The following SDCBP variants were observed in gnomAD, a reference collection of about 807,000 sequenced individuals.
SDCBP encodes the protein syndecan binding protein, also known as syntenin-1.
In SDCBP, 22 loss-of-function variants were observed where a neutral mutation model predicts 30.5. The ratio of observed to expected loss-of-function variants is 0.72; its 90% CI spans 0.52 to 1.03. The LOEUF is 1.03. Among genes scored for constraint, SDCBP ranks in the 50% least tolerant of loss-of-function variants. SDCBP has a pLI of 0.00. For missense variants in SDCBP, 304 were observed against 369.9 expected (o/e 0.82, Z 1.46); for synonymous variants, 103 against 118.7 (o/e 0.87, Z 0.86).
intron 1 of SDCBP, among the ~76,000 whole-genome samples, chr8:58,556,437 CG>C (rs1347376464): frequency 1.3e-5 from 2 of 152,076 alleles, no homozygotes; most frequent in African/African-American, 2.4e-5. Flanking sequence ...GTCCATGGCC[CG>C]GGGGTTGGGA....
intron 1 of SDCBP, among the ~76,000 whole-genome samples, chr8:58,564,233 AT>A (rs1804587229): frequency 6.6e-6 from 1 of 152,236 alleles, no homozygotes; most frequent in Admixed American, 6.5e-5. Context: ...TGAATCAAGA[AT>A]CTTACGTTAA....
chr8:58,580,486 G>A (rs1040644836), intron 7 of SDCBP, 31 bp from the exon 8 acceptor site: 6 of 1,077,136 alleles, frequency 5.6e-6, no homozygotes, highest in Non-Finnish European at 2.9e-6. Context: ...AAGCCTCTGT[G>A]GAATTAATTT....
chr8:58,565,184 T>C (rs1367611844), intron 2 of SDCBP, 100 bp downstream of exon 2: 1 of 536,150 alleles, frequency 1.9e-6, no homozygotes, highest in Non-Finnish European at 3.3e-6. Flanking sequence ...ATATATTTGT[T>C]CATTTTTACA....
chr8:58,554,477 G>C (rs1035425588), intron 1 of SDCBP, among the ~76,000 whole-genome samples: 3 of 152,258 alleles, frequency 2.0e-5, no homozygotes, highest in Non-Finnish European at 4.4e-5. Flanking sequence ...CTAGTGGTTT[G>C]TGGCACAGAA....
intron 1 of SDCBP, among the ~76,000 whole-genome samples, chr8:58,556,211 C>T (rs113507484): frequency 3.9e-5 from 6 of 152,276 alleles, no homozygotes; most frequent in African/African-American, 1.4e-4. Flanking sequence ...TTTCCACGGA[C>T]GGGATAGGTG....
intron 7 of SDCBP, 30 bp from the exon 8 acceptor site, chr8:58,580,487 G>T: frequency 9.1e-7 from 1 of 1,093,444 alleles, no homozygotes; most frequent in South Asian, 1.3e-5. Flanking sequence ...AGCCTCTGTG[G>T]AATTAATTTT....
intron 2 of SDCBP, among the ~76,000 whole-genome samples, chr8:58,569,965 A>G (rs1433339971): frequency 1.3e-5 from 2 of 152,226 alleles, no homozygotes; most frequent in Non-Finnish European, 2.9e-5. Flanking sequence ...ATCTCCAAGC[A>G]TCTTTGGGAA....
At position 58,581,807 on chromosome 8, in the gene SDCBP, T is replaced by C. The variant is rs1585717282; in HGVS notation, c.*67T>C. The C allele has an allele frequency of 5.2e-6, 7 of 1,352,542 alleles. No individual in the cohort carries two copies. The highest frequency in any genetic ancestry group is 1.7e-5 in the Admixed American group (1 of 59,384). 83.8% of individuals were successfully genotyped at this position (1,352,542 alleles called of 1,614,324 possible). A position where few individuals can be genotyped will look rare whatever the true frequency, so the allele number is the denominator to read the frequency against. On this transcript the variant is annotated 3_prime_UTR_variant, in exon 9 of 9. Transcript: ENST00000260130. ...TCCTTCTTTGGCAACTTCTGTATTA[T>C]GCACGTGAAGCCTTCCCGGAGCCAG...
At chr8:58,556,153 G>T (rs970481748) in intron 1 of SDCBP, among the ~76,000 whole-genome samples, 1 of 152,136 alleles carries the variant, frequency 6.6e-6, no homozygotes, top group African/African-American at 2.4e-5. Context: ...TTAATACAGC[G>T]GTTCCCGACA....
chr8:58,557,249 C>CAATATTTATATTTA (rs1300615966), intron 1 of SDCBP, among the ~76,000 whole-genome samples: 2 of 123,212 alleles, frequency 1.6e-5, no homozygotes, highest in Non-Finnish European at 3.2e-5. Flanking sequence ...TAATTTTAAT[C>CAATATTTATATTTA]AATATTTATA....
At chr8:58,559,327 A>G (rs1213479182) in intron 1 of SDCBP, among the ~76,000 whole-genome samples, 1 of 152,140 alleles carries the variant, frequency 6.6e-6, no homozygotes, top group Non-Finnish European at 1.5e-5. Context: ...TTTTCAGTGC[A>G]TTTTGGTTGT....
chr8:58,569,850 G>T (rs1804919016), intron 2 of SDCBP, among the ~76,000 whole-genome samples: 1 of 152,002 alleles, frequency 6.6e-6, no homozygotes, highest in Non-Finnish European at 1.5e-5. Context: ...AACAAATTAT[G>T]AAATAATAAA....
chr8:58,578,278 T>C (rs1805462135), intron 6 of SDCBP, 70 bp downstream of exon 6: 2 of 1,156,668 alleles, frequency 1.7e-6, no homozygotes, highest in African/African-American at 1.6e-5. Context: ...CTTTCAGAGT[T>C]TGTGAGTATA....
chr8:58,573,059 C>T (rs758696598), intron 4 of SDCBP, among the ~76,000 whole-genome samples: 1 of 152,106 alleles, frequency 6.6e-6, no homozygotes, highest in Non-Finnish European at 1.5e-5. Flanking sequence ...CCACCTGCCT[C>T]GACCTCCCAG....
At chr8:58,553,623 C>T (rs1803936693) in intron 1 of SDCBP, among the ~76,000 whole-genome samples, 1 of 152,200 alleles carries the variant, frequency 6.6e-6, no homozygotes, top group African/African-American at 2.4e-5. Context: ...GGGTGAACGC[C>T]TTCAGCCCCC....
chr8:58,555,637 A>ATT (rs1426193697), intron 1 of SDCBP, among the ~76,000 whole-genome samples: 1 of 152,084 alleles, frequency 6.6e-6, no homozygotes, highest in Middle Eastern at 3.2e-3. Context: ...ATTGAGAAAC[A>ATT]TTGCTCTGGA....
In SDCBP at chr8:58,581,794, A is replaced by G. The variant is rs1805702010; in HGVS notation, c.*54A>G. The stretch of plus-strand genomic sequence containing the variant: ...AACGTCTCCAGTTTCCTTCTTTGGC[A>G]ACTTCTGTATTATGCACGTGAAGCC... On this transcript the variant is annotated 3_prime_UTR_variant, in exon 9 of 9. Coordinates refer to ENST00000260130, the MANE Select transcript of SDCBP (RefSeq NM_005625.4). The G allele has an allele frequency of 6.7e-7, 1 of 1,493,166 alleles. No homozygotes were observed. Among genetic ancestry groups the G allele is most frequent in the African/African-American group, 1.4e-5 (1 of 72,356 alleles). 92.5% of individuals were successfully genotyped at this position (1,493,166 alleles called of 1,614,324 possible). A position where few individuals can be genotyped will look rare whatever the true frequency, so the allele number is the denominator to read the frequency against.
intron 6 of SDCBP, 67 bp from the exon 7 acceptor site, chr8:58,579,556 C>A: frequency 8.3e-7 from 1 of 1,211,928 alleles, no homozygotes; most frequent in Non-Finnish European, 1.1e-6. Flanking sequence ...AACATTTATG[C>A]TATATGAAAT....
chr8:58,575,669 G>A (rs1364268556), intron 4 of SDCBP, among the ~76,000 whole-genome samples: 1 of 152,150 alleles, frequency 6.6e-6, no homozygotes, highest in Admixed American at 6.5e-5. Flanking sequence ...TGAATTCAAA[G>A]GGCAACAGAG....
Sources: allele counts gnomAD v4.1 joint callset (sites outside exome capture counted in the v4.1 genomes callset), GRCh38; gene constraint gnomAD v4.1.1; transcripts MANE v1.5; gene names NCBI Gene and HGNC (gene_info 2026-07-23, HGNC 2026-07-21).